The following COL4A3 variants were observed in gnomAD, a reference collection of about 807,000 sequenced individuals.
COL4A3 encodes the protein collagen type IV alpha 3 chain.
COL4A3 carries 135 observed loss-of-function variants against 217.4 expected under a neutral mutation model. The ratio of observed to expected loss-of-function variants is 0.62; its 90% CI spans 0.54 to 0.72. The LOEUF is 0.72. Among genes scored for constraint, COL4A3 ranks in the 30% least tolerant of loss-of-function variants. COL4A3 has a pLI of 0.00. For synonymous variants in COL4A3, 690 were observed against 736.3 expected, an observed-to-expected ratio of 0.94 and a Z score of 1.02; for missense variants, 1,868 against 2,119.9, an observed-to-expected ratio of 0.88 and a Z score of 2.33.
intron 1 of COL4A3, among the ~76,000 whole-genome samples, chr2:227,202,466 C>T (rs990740408): frequency 2.1e-4 from 32 of 151,762 alleles, no homozygotes; most frequent in African/African-American, 7.5e-4. Context: ...TAATACTAGC[C>T]GGGCGCGGTG....
intron 3 of COL4A3, among the ~76,000 whole-genome samples, chr2:227,240,509 C>G (rs1195155943): frequency 2.0e-5 from 3 of 152,222 alleles, no homozygotes; most frequent in Non-Finnish European, 2.9e-5. Context: ...CTCTATTCCT[C>G]CTACAGTGAA....
intron 1 of COL4A3, among the ~76,000 whole-genome samples, chr2:227,198,234 G>A (rs866275242): frequency 6.6e-5 from 10 of 152,140 alleles, no homozygotes; most frequent in Admixed American, 2.6e-4. Context: ...GTAACCACTC[G>A]TGCCATTGAA....
In COL4A3 at chr2:227,304,414, G is replaced by A. The variant is rs1479927983; in HGVS notation, c.4153+270G>A. On this transcript the variant is annotated intron_variant, in intron 46 of 51. Transcript: ENST00000396578. ...TTTATTATTTTTTATTAAGGTAAAG[G>A]TATGTCTATCTCCTCTGACAACTGT... The A allele has an allele frequency of 6.9e-6, 3 of 433,212 alleles. 1 individual carries two copies. The highest frequency in any genetic ancestry group is 6.9e-5 in the South Asian group (3 of 43,592). The allele number at this position is 433,212 out of a possible 1,614,324, so 26.8% of individuals were successfully genotyped here.
chr2:227,294,188 C>G (rs1313659692), intron 38 of COL4A3: 1 of 365,240 alleles, frequency 2.7e-6, no homozygotes, highest in African/African-American at 2.1e-5. Context: ...AATAAACTAC[C>G]TGTTCAAATA....
rs373370168 is a variant in COL4A3 at position 227,252,051 on chromosome 2, A to G, written c.645+680A>G. Among the ~76,000 whole-genome samples the G allele has an allele frequency of 3.6e-5, 5 of 140,090 alleles. No individual in the cohort carries two copies. In the East Asian group the frequency reaches 8.9e-4, roughly 25 times the overall value. The allele number at this position is 140,090 out of a possible 152,430, so 91.9% of individuals were successfully genotyped here. On this transcript the variant is annotated intron_variant, in intron 11 of 51. Transcript: ENST00000396578. Reference sequence around the variant, plus strand: ...ACCACTGCACTCCAGCCTGGGTGACAGAAAGAGGCACCATCTCAAAAAAAA... The same window carrying G: ...ACCACTGCACTCCAGCCTGGGTGACGGAAAGAGGCACCATCTCAAAAAAAA...
At chr2:227,254,826 T>C (rs2070048531) in intron 15 of COL4A3, 111 bp downstream of exon 15, 3 of 819,430 alleles carry the variant, frequency 3.7e-6, no homozygotes, top group Non-Finnish European at 6.3e-6. Context: ...TAAAAATTTC[T>C]GTTCTTTAAG....
Position 227,249,230 on chromosome 2 carries a change from A to ATATATTTTTTTTTT in COL4A3, c.546+711_546+712insATATTTTTTTTTTT. Among the ~76,000 whole-genome samples, 16 of 14,692 alleles carry ATATATTTTTTTTTT rather than the reference A, an allele frequency of 1.1e-3. 2 individuals carry two copies. The highest frequency in any genetic ancestry group is 4.3e-3 in the African/African-American group (16 of 3,764). The allele number at this position is 14,692 out of a possible 152,430, so 9.6% of individuals were successfully genotyped here. On this transcript the variant is annotated intron_variant, in intron 9 of 51. Coordinates refer to ENST00000396578, the MANE Select transcript of COL4A3 (RefSeq NM_000091.5). ...TTAGCTAGTATATATATATATATAT[A>ATATATTTTTTTTTT]TTTTTTTTTTTTTTTTTTTTTTTGA...
chr2:227,249,054 T>C (rs1559864778), intron 9 of COL4A3, among the ~76,000 whole-genome samples: 1 of 150,654 alleles, frequency 6.6e-6, no homozygotes, highest in African/African-American at 2.4e-5. Flanking sequence ...CTGATTTATA[T>C]GTACGTAGCC....
At chr2:227,204,558 G>A (rs2067028041) in intron 1 of COL4A3, among the ~76,000 whole-genome samples, 1 of 152,164 alleles carries the variant, frequency 6.6e-6, no homozygotes, top group Non-Finnish European at 1.5e-5. Flanking sequence ...CAGATTGTCT[G>A]GGATTCTAAA....
chr2:227,166,485 C>T (rs1026413120), intron 1 of COL4A3, among the ~76,000 whole-genome samples: 3 of 152,194 alleles, frequency 2.0e-5, no homozygotes, highest in African/African-American at 4.8e-5. Context: ...AAGAATTGTA[C>T]TTATGTGAGG....
chr2:227,291,790 G>T (rs2106218834), intron 37 of COL4A3, among the ~76,000 whole-genome samples: 1 of 152,256 alleles, frequency 6.6e-6, no homozygotes, highest in East Asian at 1.9e-4. Context: ...TCAAATTGAG[G>T]TTGGATGTTA....
At chr2:227,258,240 G>A (rs765252505) in intron 18 of COL4A3, among the ~76,000 whole-genome samples, 12 of 152,292 alleles carry the variant, frequency 7.9e-5, no homozygotes, top group African/African-American at 2.4e-4. Flanking sequence ...CATTCAGTGC[G>A]CCAAGCAAGG....
intron 27 of COL4A3, among the ~76,000 whole-genome samples, chr2:227,276,995 G>C (rs2071604190): frequency 6.6e-6 from 1 of 152,158 alleles, no homozygotes; most frequent in Non-Finnish European, 1.5e-5. Context: ...TAGGGACAGG[G>C]AGGGGGAGCA....
rs1260427769 is a variant in COL4A3, at chr2:227,256,417, C to T, written c.987+21C>T. 3.1e-6 allele frequency: 5 copies of T among 1,604,994 alleles called. No homozygotes were observed. The Admixed American group carries it at 5.0e-5, about 16-fold the overall frequency. ...TTAAGGTAATCCTCTCCCTAATAGC[C>T]TATTTTAATAGGTTGGGTTTTGCCT... On this transcript the variant is annotated intron_variant, in intron 17 of 51. Coordinates refer to ENST00000396578, the MANE Select transcript of COL4A3 (RefSeq NM_000091.5).
At chr2:227,237,543 A>T (rs1478625024) in intron 1 of COL4A3, among the ~76,000 whole-genome samples, 2 of 152,214 alleles carry the variant, frequency 1.3e-5, no homozygotes, top group Middle Eastern at 3.2e-3. Context: ...AGAACCTAAG[A>T]ATTTGCCAGT....
intron 3 of COL4A3, 73 bp from the exon 4 acceptor site, chr2:227,244,247 G>C (rs1300104907): frequency 5.5e-6 from 7 of 1,274,534 alleles, no homozygotes; most frequent in Non-Finnish European, 5.7e-6. Flanking sequence ...CTGAGACTGG[G>C]TTTGATGTAT....
In COL4A3 at chr2:227,164,792, GGCGGCGC is replaced by G; in HGVS notation, c.67_73del (p.Ala23ProfsTer68). 1 of 1,519,360 alleles carries G rather than the reference GGCGGCGC, an allele frequency of 6.6e-7. No individual in the cohort carries two copies. The highest frequency in any genetic ancestry group is 8.8e-7 in the Non-Finnish European group (1 of 1,140,594). 94.1% of individuals were successfully genotyped at this position (1,519,360 alleles called of 1,614,324 possible). On this transcript the variant is annotated frameshift_variant, in exon 1 of 52. Coordinates refer to ENST00000396578, the MANE Select transcript of COL4A3 (RefSeq NM_000091.5). LOFTEE classifies it high-confidence loss of function. This position sits in a 1 kb window ranked among gnomAD's most constrained non-coding sequence, Gnocchi z 4.8. Reference sequence around the variant, plus strand: ...TGCCGCTCCTGCTGGTGCTCCTGGCGGCGGCGCCCGCAGCCAGCAAGGTGAGTGGGGG... The same window carrying G: ...TGCCGCTCCTGCTGGTGCTCCTGGCGCCGCAGCCAGCAAGGTGAGTGGGGG...
intron 17 of COL4A3, chr2:227,256,663 G>A: frequency 1.6e-6 from 1 of 621,854 alleles, no homozygotes; most frequent in Non-Finnish European, 3.0e-6. Flanking sequence ...CCATGAGGAA[G>A]AGGTTGAAAA....
At chr2:227,193,044 A>G (rs963387875) in intron 1 of COL4A3, among the ~76,000 whole-genome samples, 2 of 152,334 alleles carry the variant, frequency 1.3e-5, no homozygotes, top group Non-Finnish European at 2.9e-5. Context: ...ATAGGTAAGA[A>G]ACTGAGACCC....
Sources: allele counts gnomAD v4.1 joint callset (sites outside exome capture counted in the v4.1 genomes callset), GRCh38; gene constraint gnomAD v4.1.1; non-coding constraint Gnocchi (gnomAD v3.1); transcripts MANE v1.5; gene names NCBI Gene and HGNC (gene_info 2026-07-23, HGNC 2026-07-21).